SEMA3E: variants seen among roughly 807,000 people sequenced by gnomAD.
SEMA3E encodes semaphorin-3E.
A neutral mutation model predicts 93.6 loss-of-function variants in SEMA3E; 49 were observed. The ratio of observed to expected loss-of-function variants is 0.52; its 90% CI spans 0.42 to 0.66. SEMA3E has a LOEUF of 0.66. SEMA3E is among the 30% of genes least tolerant of loss of function. The pLI is 0.00. For synonymous variants in SEMA3E, 363 were observed against 330.7 expected, an observed-to-expected ratio of 1.10 and a Z score of -1.06; for missense variants, 906 against 964.8, an observed-to-expected ratio of 0.94 and a Z score of 0.81.
chr7:83,463,042 C>T (rs1157764397), intron 4 of SEMA3E, among the ~76,000 whole-genome samples: 3 of 148,064 alleles, frequency 2.0e-5, no homozygotes, highest in African/African-American at 7.4e-5. Context: ...TCACAGACAG[C>T]CCCCGTTACT....
intron 1 of SEMA3E, among the ~76,000 whole-genome samples, chr7:83,575,454 C>A (rs1310554432): frequency 6.6e-6 from 1 of 151,970 alleles, no homozygotes; most frequent in Non-Finnish European, 1.5e-5. Context: ...ATTGGATATA[C>A]TTTATTTGAT....
chr7:83,399,900 T>C, intron 11 of SEMA3E, 128 bp downstream of exon 11: 1 of 778,284 alleles, frequency 1.3e-6, no homozygotes, highest in Non-Finnish European at 2.2e-6. Flanking sequence ...TTTCTCATTT[T>C]GGATTAGCAG....
chr7:83,541,319 T>A (rs539782908), intron 1 of SEMA3E, among the ~76,000 whole-genome samples: 1 of 152,190 alleles, frequency 6.6e-6, no homozygotes, highest in Non-Finnish European at 1.5e-5. Flanking sequence ...CCTTATTTTA[T>A]CTATAGCATT....
chr7:83,525,263 T>A (rs11977574), intron 1 of SEMA3E, among the ~76,000 whole-genome samples: 2 of 152,066 alleles, frequency 1.3e-5, no homozygotes, highest in African/African-American at 4.8e-5. Flanking sequence ...CGTAACCTGT[T>A]TTTTCATTTT....
intron 4 of SEMA3E, among the ~76,000 whole-genome samples, chr7:83,423,067 G>T (rs978086527): frequency 6.6e-6 from 1 of 152,128 alleles, no homozygotes; most frequent in Non-Finnish European, 1.5e-5. Flanking sequence ...ACTCTCAGAA[G>T]AAGTTGATTG....
At chr7:83,534,799 T>C (rs1727157274) in intron 1 of SEMA3E, among the ~76,000 whole-genome samples, 1 of 152,208 alleles carries the variant, frequency 6.6e-6, no homozygotes, top group Non-Finnish European at 1.5e-5. Context: ...TCTTTATTAT[T>C]TGTCTTTACA....
At chr7:83,405,590 C>T in intron 8 of SEMA3E, 71 bp from the exon 9 acceptor site, 3 of 1,244,338 alleles carry the variant, frequency 2.4e-6, no homozygotes, top group Non-Finnish European at 3.5e-6. Flanking sequence ...AATTTATTCA[C>T]CTAAATTTGT....
intron 1 of SEMA3E, among the ~76,000 whole-genome samples, chr7:83,551,941 C>A (rs1406249699): frequency 2.6e-5 from 4 of 152,130 alleles, no homozygotes; most frequent in African/African-American, 9.7e-5. Context: ...ATTAGACGCA[C>A]TCTAACATCT....
At chr7:83,415,796 T>A (rs1788527837) in intron 5 of SEMA3E, among the ~76,000 whole-genome samples, 1 of 152,126 alleles carries the variant, frequency 6.6e-6, no homozygotes, top group Admixed American at 6.6e-5. Context: ...ATTAAATTTG[T>A]CTTCATGTGA....
At chr7:83,483,731 T>C (rs868080694) in intron 2 of SEMA3E, among the ~76,000 whole-genome samples, 12 of 143,118 alleles carry the variant, frequency 8.4e-5, no homozygotes, top group South Asian at 4.5e-4. Context: ...GTACTGACAA[T>C]ATAACAAGGA....
chr7:83,408,979 A>T (rs943487030), intron 5 of SEMA3E, among the ~76,000 whole-genome samples: 1 of 152,324 alleles, frequency 6.6e-6, no homozygotes, highest in East Asian at 1.9e-4. Context: ...ATATGATTTT[A>T]GTGTGGGAAC....
At chr7:83,563,048 C>A (rs1792064986) in intron 1 of SEMA3E, among the ~76,000 whole-genome samples, 1 of 152,184 alleles carries the variant, frequency 6.6e-6, no homozygotes. Context: ...TCATTCACTT[C>A]ATTGTTCCAG....
chr7:83,427,823 A>G (rs1269068983), intron 4 of SEMA3E, among the ~76,000 whole-genome samples: 2 of 152,188 alleles, frequency 1.3e-5, no homozygotes, highest in African/African-American at 4.8e-5. Context: ...GGTTCAAGCA[A>G]TGTGTAATGT....
intron 16 of SEMA3E, among the ~76,000 whole-genome samples, chr7:83,384,796 G>A (rs1787846634): frequency 1.3e-5 from 2 of 151,984 alleles, no homozygotes. Context: ...AAGAACCCTT[G>A]TGTCAATGTC....
At chr7:83,541,340 C>A (rs2115763854) in intron 1 of SEMA3E, among the ~76,000 whole-genome samples, 1 of 152,170 alleles carries the variant, frequency 6.6e-6, no homozygotes, top group Admixed American at 6.6e-5. Flanking sequence ...CAACACAGTG[C>A]CTACCACACA....
At chr7:83,619,954 T>A (rs759662794) in intron 1 of SEMA3E, among the ~76,000 whole-genome samples, 7 of 138,822 alleles carry the variant, frequency 5.0e-5, no homozygotes, top group Admixed American at 1.4e-4. Context: ...TGCAAAACCA[T>A]GTTTGCTCTT....
intron 1 of SEMA3E, among the ~76,000 whole-genome samples, chr7:83,582,015 G>A (rs375874997): frequency 1.3e-5 from 2 of 151,928 alleles, no homozygotes; most frequent in Non-Finnish European, 2.9e-5. Flanking sequence ...ATACTGAAGT[G>A]TTTAAGGCAG....
chr7:83,630,218 G>A (rs965444602), intron 1 of SEMA3E, among the ~76,000 whole-genome samples: 1 of 152,184 alleles, frequency 6.6e-6, no homozygotes, highest in Admixed American at 6.5e-5. Flanking sequence ...GCAGATGGGA[G>A]CTGTTCCTAT....
chr7:83,605,688 C>T (rs1234720175), intron 1 of SEMA3E, among the ~76,000 whole-genome samples: 1 of 152,094 alleles, frequency 6.6e-6, no homozygotes, highest in African/African-American at 2.4e-5. Flanking sequence ...CCTTGGCCTC[C>T]CAAAGTGCTG....
Sources: allele counts gnomAD v4.1 joint callset (sites outside exome capture counted in the v4.1 genomes callset), GRCh38; gene constraint gnomAD v4.1.1; transcripts MANE v1.5; gene names NCBI Gene and HGNC (gene_info 2026-07-23, HGNC 2026-07-21).